The following SASH1 variants were observed in gnomAD, a reference collection of about 807,000 sequenced individuals.
The protein encoded by SASH1 is SAM and SH3 domain containing 1.
SASH1 carries 44 observed loss-of-function variants against 125.2 expected under a neutral mutation model. That is an observed-to-expected ratio of 0.35 (90% CI 0.28 to 0.45). The LOEUF is 0.45. SASH1 is among the 20% of genes least tolerant of loss of function. The pLI is 1.00. For synonymous variants in SASH1, 639 were observed against 649.1 expected, an observed-to-expected ratio of 0.98 and a Z score of 0.24; for missense variants, 1,426 against 1,614.5, an observed-to-expected ratio of 0.88 and a Z score of 2.00.
chr6:148,309,667 T>TAA (rs34084896), intron 1 of SASH1, among the ~76,000 whole-genome samples: 214 of 138,930 alleles, frequency 1.5e-3, no homozygotes, highest in African/African-American at 2.2e-3. Context: ...CATGTTGCTT[T>TAA]AAAAAAAAAA....
chr6:148,288,780 A>G (rs1562307722), intron 1 of SASH1, among the ~76,000 whole-genome samples: 1 of 152,142 alleles, frequency 6.6e-6, no homozygotes, highest in East Asian at 1.9e-4. Flanking sequence ...GACACTTCCA[A>G]CCTGGTTCTC....
chr6:148,252,131 T>G, the SASH1 span, among the ~76,000 whole-genome samples: 1 of 152,086 alleles, frequency 6.6e-6, no homozygotes, highest in East Asian at 1.9e-4. Context: ...TGCTTGATTA[T>G]GTCTCCAAAA....
chr6:148,409,368 A>T (rs1298427059), intron 2 of SASH1, among the ~76,000 whole-genome samples: 1 of 152,260 alleles, frequency 6.6e-6, no homozygotes, highest in African/African-American at 2.4e-5. Context: ...GTAGAAGTTT[A>T]TTCAGTTCCT....
chr6:148,241,745 C>T, the SASH1 span, among the ~76,000 whole-genome samples: 1 of 152,180 alleles, frequency 6.6e-6, no homozygotes, highest in African/African-American at 2.4e-5. Context: ...CATTTATTAG[C>T]TCTGTGACCT....
chr6:148,464,823 G>A (rs1309133953), intron 4 of SASH1, among the ~76,000 whole-genome samples: 3 of 152,084 alleles, frequency 2.0e-5, no homozygotes, highest in Non-Finnish European at 4.4e-5. Flanking sequence ...TCACGCTTAT[G>A]AAACATGGGC....
intron 17 of SASH1, among the ~76,000 whole-genome samples, chr6:148,542,287 A>G (rs1327846548): frequency 6.6e-6 from 1 of 152,218 alleles, no homozygotes; most frequent in Non-Finnish European, 1.5e-5. Context: ...TTCTAAATTT[A>G]TGCTAAAGAG....
intron 7 of SASH1, among the ~76,000 whole-genome samples, chr6:148,481,989 A>G (rs1045084407): frequency 6.6e-6 from 1 of 152,180 alleles, no homozygotes; most frequent in Non-Finnish European, 1.5e-5. Flanking sequence ...GGCTGTACCA[A>G]TTTTAAGGGC....
rs780420865 is a variant in SASH1, at chr6:148,551,665, T to A, written c.*3107T>A. 2.1e-4 allele frequency: 32 copies of A among 152,566 alleles called. No individual in the cohort carries two copies. Among genetic ancestry groups the A allele is most frequent in the Non-Finnish European group, 3.7e-4 (25 of 68,044 alleles). The allele number at this position is 152,566 out of a possible 1,614,324, so 9.5% of individuals were successfully genotyped here. A position where few individuals can be genotyped will look rare whatever the true frequency, so the allele number is the denominator to read the frequency against. ...TGCTGCCATGTGTGTACTGTATTATTTTCAGAAAAAAATATAATAGTCTGA... is the reference window on the plus strand; with the variant it reads ...TGCTGCCATGTGTGTACTGTATTATATTCAGAAAAAAATATAATAGTCTGA... On this transcript the variant is annotated 3_prime_UTR_variant, in exon 20 of 20. Coordinates refer to ENST00000367467, the MANE Select transcript of SASH1 (RefSeq NM_015278.5).
chr6:148,273,455 G>A (rs538526360), intron 1 of SASH1, among the ~76,000 whole-genome samples: 190 of 151,406 alleles, frequency 1.3e-3, no homozygotes, highest in Non-Finnish European at 2.0e-3. Context: ...CCCCATGCCC[G>A]GCTAATTTTT....
chr6:148,286,422 G>A (rs1348853792), intron 1 of SASH1, among the ~76,000 whole-genome samples: 1 of 151,720 alleles, frequency 6.6e-6, no homozygotes. Context: ...AAAGAATTCT[G>A]TATTAGTTTG....
intron 7 of SASH1, chr6:148,480,217 C>A: frequency 6.6e-6 from 1 of 151,824 alleles, no homozygotes; most frequent in Non-Finnish European, 1.5e-5. Flanking sequence ...GTAATCCCAG[C>A]TACATGGGAA....
At chr6:148,232,674 T>C in the SASH1 span, among the ~76,000 whole-genome samples, 1 of 152,096 alleles carries the variant, frequency 6.6e-6, no homozygotes, top group Admixed American at 6.5e-5. Flanking sequence ...AAGTATTAAA[T>C]CTCTAAGCCA....
the SASH1 span, among the ~76,000 whole-genome samples, chr6:148,228,472 G>A: frequency 6.6e-6 from 1 of 152,202 alleles, no homozygotes; most frequent in Non-Finnish European, 1.5e-5. Flanking sequence ...TGTCTCAAGA[G>A]TAGTACAAAC....
chr6:148,324,721 A>C (rs567489627), intron 1 of SASH1, among the ~76,000 whole-genome samples: 1 of 152,322 alleles, frequency 6.6e-6, no homozygotes, highest in African/African-American at 2.4e-5. Flanking sequence ...CTGAGCTTTC[A>C]GGAATAATGC....
chr6:148,355,919 G>T (rs1781912294), intron 1 of SASH1, among the ~76,000 whole-genome samples: 1 of 152,010 alleles, frequency 6.6e-6, no homozygotes, highest in Admixed American at 6.6e-5. Flanking sequence ...GGTAGTATTT[G>T]GTTACATGAA....
chr6:148,423,658 A>G (rs1177968679), intron 2 of SASH1, among the ~76,000 whole-genome samples: 1 of 152,176 alleles, frequency 6.6e-6, no homozygotes, highest in Admixed American at 6.5e-5. Flanking sequence ...AATTTTTTAT[A>G]TTCTCAGTTA....
At chr6:148,285,074 C>T (rs1464827051) in intron 1 of SASH1, among the ~76,000 whole-genome samples, 2 of 152,188 alleles carry the variant, frequency 1.3e-5, no homozygotes, top group Non-Finnish European at 2.9e-5. Context: ...CTCCCATATC[C>T]ACGCCCCCTC....
the SASH1 span, among the ~76,000 whole-genome samples, chr6:148,225,628 C>A: frequency 6.6e-6 from 1 of 152,312 alleles, no homozygotes; most frequent in African/African-American, 2.4e-5. Flanking sequence ...ACAGCATACA[C>A]TGCTCAGGTG....
At chr6:148,231,673 C>T in the SASH1 span, among the ~76,000 whole-genome samples, 1 of 151,934 alleles carries the variant, frequency 6.6e-6, no homozygotes, top group Non-Finnish European at 1.5e-5. Flanking sequence ...TTCTTTATTG[C>T]CCCAGATAGT....
Sources: allele counts gnomAD v4.1 joint callset (sites outside exome capture counted in the v4.1 genomes callset), GRCh38; gene constraint gnomAD v4.1.1; transcripts MANE v1.5; gene names NCBI Gene and HGNC (gene_info 2026-07-23, HGNC 2026-07-21).